The following SLC39A11 variants were observed in gnomAD, a reference collection of about 807,000 sequenced individuals.
SLC39A11 encodes zinc transporter ZIP11.
A neutral mutation model predicts 36.1 loss-of-function variants in SLC39A11; 33 were observed. The observed-to-expected ratio is 0.91, with a 90% confidence interval of 0.69 to 1.22. The LOEUF is 1.22. SLC39A11 is among the 50% of genes most tolerant of loss of function. The pLI is 0.00. For missense variants in SLC39A11, 432 were observed against 430.3 expected, an observed-to-expected ratio of 1.00 and a Z score of -0.03; for synonymous variants, 166 against 170.3, an observed-to-expected ratio of 0.97 and a Z score of 0.20.
intron 5 of SLC39A11, among the ~76,000 whole-genome samples, chr17:72,911,175 G>A (rs2082970980): frequency 6.6e-6 from 1 of 151,988 alleles, no homozygotes; most frequent in African/African-American, 2.4e-5. Context: ...ATTTAGAGAT[G>A]AACCAGTTTT....
At chr17:72,696,020 A>C (rs1426972716) in intron 7 of SLC39A11, among the ~76,000 whole-genome samples, 2 of 152,228 alleles carry the variant, frequency 1.3e-5, no homozygotes, top group Non-Finnish European at 2.9e-5. Flanking sequence ...AGGGGCAGGC[A>C]CCACCACACC....
intron 3 of SLC39A11, among the ~76,000 whole-genome samples, chr17:73,081,578 C>T (rs907586088): frequency 5.3e-5 from 8 of 150,468 alleles, no homozygotes; most frequent in African/African-American, 2.0e-4. Context: ...AGCCCAAATG[C>T]CCACCAATCA....
chr17:72,871,431 T>C (rs1049926788), intron 5 of SLC39A11, among the ~76,000 whole-genome samples: 1 of 152,010 alleles, frequency 6.6e-6, no homozygotes, highest in African/African-American at 2.4e-5. Context: ...CCCTTAAGGA[T>C]GGGGGGCGCT....
At chr17:73,043,725 A>G (rs2059182423) in intron 3 of SLC39A11, among the ~76,000 whole-genome samples, 1 of 152,198 alleles carries the variant, frequency 6.6e-6, no homozygotes, top group South Asian at 2.1e-4. Context: ...GAAACTTGGA[A>G]GAAGGAAGGA....
chr17:72,820,076 A>G (rs776216605), intron 6 of SLC39A11, among the ~76,000 whole-genome samples: 2 of 151,314 alleles, frequency 1.3e-5, no homozygotes, highest in African/African-American at 2.4e-5. Context: ...CCAAAGCCAG[A>G]AAACAAGTGA....
chr17:72,697,941 A>G (rs1345314628), intron 7 of SLC39A11, among the ~76,000 whole-genome samples: 2 of 152,200 alleles, frequency 1.3e-5, no homozygotes, highest in African/African-American at 2.4e-5. Flanking sequence ...TATCACAGTA[A>G]AAGCCTTGTC....
At chr17:72,761,942 A>C (rs1335066861) in intron 6 of SLC39A11, among the ~76,000 whole-genome samples, 1 of 152,248 alleles carries the variant, frequency 6.6e-6, no homozygotes, top group Non-Finnish European at 1.5e-5. Context: ...CCAGAGCCCC[A>C]TTCTGGGGTC....
chr17:72,653,206 G>T (rs2069937748), intron 7 of SLC39A11, among the ~76,000 whole-genome samples: 1 of 151,158 alleles, frequency 6.6e-6, no homozygotes, highest in South Asian at 2.1e-4. Context: ...TGGGGTTCAA[G>T]CGATTCTCCT....
At chr17:72,785,496 T>C (rs2076479426) in intron 6 of SLC39A11, among the ~76,000 whole-genome samples, 1 of 152,176 alleles carries the variant, frequency 6.6e-6, no homozygotes, top group South Asian at 2.1e-4. Flanking sequence ...GGCTCCTCCA[T>C]CTCCGAAGGG....
At chr17:73,046,102 A>T (rs552535718) in intron 3 of SLC39A11, among the ~76,000 whole-genome samples, 33 of 152,276 alleles carry the variant, frequency 2.2e-4, no homozygotes, top group African/African-American at 7.7e-4. Context: ...AAACGCAAAG[A>T]TCTATAAGAG....
intron 4 of SLC39A11, among the ~76,000 whole-genome samples, chr17:73,015,397 C>T (rs73998309): frequency 0.055 from 8,313 of 152,176 alleles, 524 homozygotes; most frequent in African/African-American, 0.14. Flanking sequence ...AACGTCACGA[C>T]CTATGCAAAA....
intron 4 of SLC39A11, among the ~76,000 whole-genome samples, chr17:72,952,601 C>T (rs956630167): frequency 1.3e-5 from 2 of 152,158 alleles, no homozygotes; most frequent in Non-Finnish European, 2.9e-5. Flanking sequence ...GAACCAAGGC[C>T]CTCAGGGAGA....
intron 4 of SLC39A11, among the ~76,000 whole-genome samples, chr17:73,026,723 C>A (rs140296348): frequency 6.6e-6 from 1 of 151,952 alleles, no homozygotes. Context: ...GCGACGCTAA[C>A]ATGACTAAAA....
chr17:72,709,809 A>G (rs1332033886), intron 7 of SLC39A11, among the ~76,000 whole-genome samples: 1 of 152,114 alleles, frequency 6.6e-6, no homozygotes, highest in African/African-American at 2.4e-5. Context: ...TGCTTTTCCT[A>G]TCTGGATGGT....
At chr17:72,829,865 C>T (rs1332675652) in intron 6 of SLC39A11, among the ~76,000 whole-genome samples, 1 of 152,072 alleles carries the variant, frequency 6.6e-6, no homozygotes, top group Non-Finnish European at 1.5e-5. Flanking sequence ...TTTTGAGCCC[C>T]CCACTCAGCT....
chr17:72,897,224 G>A (rs1364651429), intron 5 of SLC39A11, among the ~76,000 whole-genome samples: 1 of 152,172 alleles, frequency 6.6e-6, no homozygotes, highest in Non-Finnish European at 1.5e-5. Flanking sequence ...GGACCCCAGT[G>A]GGGACAGACA....
At chr17:72,689,172 C>A (rs1239117824) in intron 7 of SLC39A11, among the ~76,000 whole-genome samples, 1 of 152,150 alleles carries the variant, frequency 6.6e-6, no homozygotes, top group Non-Finnish European at 1.5e-5. Flanking sequence ...GCCCGATGCT[C>A]GACTGTACTC....
intron 7 of SLC39A11, among the ~76,000 whole-genome samples, chr17:72,694,287 C>T (rs1055890932): frequency 6.6e-6 from 1 of 152,202 alleles, no homozygotes; most frequent in Admixed American, 6.5e-5. Context: ...AAATGAAAAC[C>T]AAAGATGGTG....
intron 4 of SLC39A11, among the ~76,000 whole-genome samples, chr17:73,004,753 G>C (rs570411724): frequency 6.6e-6 from 1 of 152,326 alleles, no homozygotes; most frequent in South Asian, 2.1e-4. Flanking sequence ...CTGAGAAAAA[G>C]AGGCCACAGG....
Sources: allele counts gnomAD v4.1 joint callset (sites outside exome capture counted in the v4.1 genomes callset), GRCh38; gene constraint gnomAD v4.1.1; transcripts MANE v1.5; gene names NCBI Gene and HGNC (gene_info 2026-07-23, HGNC 2026-07-21).